Variants in COL5A2 observed in about 807,000 individuals in gnomAD.
COL5A2 encodes collagen alpha-2(V) chain.
COL5A2 carries 23 observed loss-of-function variants against 208.2 expected under a neutral mutation model. That is an observed-to-expected ratio of 0.11 (90% CI 0.08 to 0.16). The LOEUF is 0.16. COL5A2 is among the 10% of genes least tolerant of loss of function. The probability of loss-of-function intolerance (pLI) is 1.00; values close to 1 mark genes in which losing one functional copy is unlikely to be tolerated. For missense variants in COL5A2, 1,590 were observed against 1,956.4 expected, an observed-to-expected ratio of 0.81 and a Z score of 3.53; for synonymous variants, 625 against 628.5, an observed-to-expected ratio of 0.99 and a Z score of 0.08.
At chr2:189,285,987 C>T in the COL5A2 span, among the ~76,000 whole-genome samples, 1 of 151,834 alleles carries the variant, frequency 6.6e-6, no homozygotes, top group Admixed American at 6.6e-5. Context: ...ATGTCTCTGA[C>T]ACTACCTTAT....
At chr2:189,113,079 G>A (rs1189969104) in intron 1 of COL5A2, among the ~76,000 whole-genome samples, 1 of 152,066 alleles carries the variant, frequency 6.6e-6, no homozygotes, top group Non-Finnish European at 1.5e-5. Context: ...CACACTCTTG[G>A]GTGGGGGTGC....
At chr2:189,052,682 A>G in intron 40 of COL5A2, 67 bp downstream of exon 40, 2 of 1,435,022 alleles carry the variant, frequency 1.4e-6, no homozygotes, top group South Asian at 2.3e-5. Flanking sequence ...TATCTTTTAC[A>G]TGACCAGGAA....
At chr2:189,244,325 T>A in the COL5A2 span, among the ~76,000 whole-genome samples, 9 of 152,330 alleles carry the variant, frequency 5.9e-5, no homozygotes, top group Admixed American at 2.6e-4. Context: ...AGCACCCCAG[T>A]CACCTCTTGA....
the COL5A2 span, chr2:189,311,746 T>C: frequency 6.4e-6 from 5 of 777,292 alleles, no homozygotes; most frequent in South Asian, 7.0e-5. Flanking sequence ...AGACCAGTAC[T>C]TGTCAAGCTC....
chr2:189,252,155 CT>C, the COL5A2 span, among the ~76,000 whole-genome samples: 1 of 152,198 alleles, frequency 6.6e-6, no homozygotes, highest in South Asian at 2.1e-4. Flanking sequence ...CACTTTTACA[CT>C]GTTGGTGGGA....
At chr2:189,274,556 A>C in the COL5A2 span, among the ~76,000 whole-genome samples, 2 of 152,154 alleles carry the variant, frequency 1.3e-5, no homozygotes, top group Admixed American at 1.3e-4. Flanking sequence ...TGCACTAAAA[A>C]CACAGACCTT....
the COL5A2 span, among the ~76,000 whole-genome samples, chr2:189,401,028 C>T: frequency 5.9e-5 from 8 of 135,118 alleles, no homozygotes; most frequent in African/African-American, 2.1e-4. Context: ...TTGGCCATCA[C>T]TTTCCTTGTC....
At chr2:189,315,831 T>A in the COL5A2 span, among the ~76,000 whole-genome samples, 1 of 152,102 alleles carries the variant, frequency 6.6e-6, no homozygotes, top group Non-Finnish European at 1.5e-5. Context: ...CCATTCACAG[T>A]TGCCACAAAA....
intron 8 of COL5A2, among the ~76,000 whole-genome samples, chr2:189,086,983 T>C (rs1227751371): frequency 6.6e-6 from 1 of 152,214 alleles, no homozygotes; most frequent in African/African-American, 2.4e-5. Flanking sequence ...ATAACTTCAG[T>C]GTTATAAAGA....
At chr2:189,182,361 T>C (rs1688792462), upstream of COL5A2, among the ~76,000 whole-genome samples, 1 of 152,220 alleles carries the variant, frequency 6.6e-6, no homozygotes, top group Admixed American at 6.5e-5. Flanking sequence ...AAATCATATA[T>C]AGGCGATTAC....
chr2:189,346,216 A>G, the COL5A2 span, among the ~76,000 whole-genome samples: 1 of 152,134 alleles, frequency 6.6e-6, no homozygotes, highest in Non-Finnish European at 1.5e-5. Flanking sequence ...CAGGTTTCCA[A>G]CCACTCACAT....
chr2:189,297,069 G>T, the COL5A2 span, among the ~76,000 whole-genome samples: 1 of 152,114 alleles, frequency 6.6e-6, no homozygotes, highest in Admixed American at 6.5e-5. Flanking sequence ...CCATATAAAC[G>T]TTGATCTCAA....
the COL5A2 span, among the ~76,000 whole-genome samples, chr2:189,419,392 G>C: frequency 1.8e-4 from 28 of 152,112 alleles, no homozygotes; most frequent in African/African-American, 6.7e-4. Flanking sequence ...AGGCAATCTA[G>C]GAACAAGATG....
At chr2:189,066,838 G>T in intron 21 of COL5A2, 56 bp from the exon 22 acceptor site, 4 of 1,329,574 alleles carry the variant, frequency 3.0e-6, no homozygotes, top group Non-Finnish European at 4.3e-6. Flanking sequence ...AGTCCAATCT[G>T]CTCAAATTAG....
intron 1 of COL5A2, among the ~76,000 whole-genome samples, chr2:189,192,191 T>C (rs907631877): frequency 2.6e-5 from 4 of 152,134 alleles, no homozygotes; most frequent in Admixed American, 6.5e-5. Context: ...AGTAAAATGC[T>C]TTACTTTAAA....
intron 1 of COL5A2, among the ~76,000 whole-genome samples, chr2:189,124,326 G>C (rs1054353057): frequency 6.6e-6 from 1 of 152,042 alleles, no homozygotes; most frequent in African/African-American, 2.4e-5. Context: ...AGGCCTCACA[G>C]GATATTGATG....
intron 19 of COL5A2, 95 bp from the exon 20 acceptor site, chr2:189,068,365 A>C: frequency 1.8e-6 from 2 of 1,097,014 alleles, no homozygotes; most frequent in Non-Finnish European, 2.8e-6. Context: ...TCAAAAAGGA[A>C]GTAGAAGCAT....
the COL5A2 span, among the ~76,000 whole-genome samples, chr2:189,322,382 T>A: frequency 6.6e-6 from 1 of 151,890 alleles, no homozygotes; most frequent in Admixed American, 6.6e-5. Context: ...AATCAATGAA[T>A]ACAGGAGCTG....
rs923725032 is a variant in COL5A2, at chr2:189,072,178, G to A, written c.1105-85C>T. The A allele has an allele frequency of 7.3e-5, 64 of 880,820 alleles. No individual in the cohort carries two copies. In the African/African-American group the frequency reaches 1.0e-3, roughly 14 times the overall value. 54.6% of individuals were successfully genotyped at this position (880,820 alleles called of 1,614,324 possible). On this transcript the variant is annotated intron_variant, in intron 17 of 53. Transcript: ENST00000374866. ...ATTTTTTAGAGTTTGGCGTCATTTT[G>A]TATTAGACACATAAGAATAACCTGC...
Sources: allele counts gnomAD v4.1 joint callset (sites outside exome capture counted in the v4.1 genomes callset), GRCh38; gene constraint gnomAD v4.1.1; transcripts MANE v1.5; gene names NCBI Gene and HGNC (gene_info 2026-07-23, HGNC 2026-07-21).